Variants in CTNNA2 observed in about 807,000 individuals in gnomAD.
CTNNA2 encodes catenin alpha-2.
In CTNNA2, 42 loss-of-function variants were observed where a neutral mutation model predicts 101.0. That is an observed-to-expected ratio of 0.42 (90% CI 0.32 to 0.54). The LOEUF is 0.54. Among genes scored for constraint, CTNNA2 ranks in the 20% least tolerant of loss-of-function variants. The probability of loss-of-function intolerance (pLI) is 0.14; values close to 1 mark genes in which losing one functional copy is unlikely to be tolerated. For synonymous variants in CTNNA2, 450 were observed against 456.4 expected (o/e 0.99, Z 0.18); for missense variants, 871 against 1,223.1 (o/e 0.71, Z 4.29).
intron 3 of CTNNA2, among the ~76,000 whole-genome samples, chr2:79,832,576 A>G (rs1679007663): frequency 1.3e-5 from 2 of 152,164 alleles, no homozygotes; most frequent in Non-Finnish European, 2.9e-5. Flanking sequence ...CATTATCTTT[A>G]TATGGATAGT....
chr2:79,443,236 T>C (rs1384851201), intron 4 of CTNNA2, among the ~76,000 whole-genome samples: 1 of 152,138 alleles, frequency 6.6e-6, no homozygotes, highest in East Asian at 1.9e-4. Context: ...CTAAGGAACC[T>C]GTTGGTGCTA....
intron 9 of CTNNA2, among the ~76,000 whole-genome samples, chr2:80,530,410 A>G (rs1187141607): frequency 1.3e-5 from 2 of 152,230 alleles, no homozygotes. Flanking sequence ...TTGTGAGAGC[A>G]CTGGTTATCA....
chr2:79,644,027 C>T lies in CTNNA2; in HGVS notation c.-5-7525C>T, dbSNP rs145090015. 5.6e-3 allele frequency among the ~76,000 whole-genome samples: 852 copies of T among 152,004 alleles called. 5 individuals carry two copies. The highest frequency in any genetic ancestry group is 7.0e-3 in the Non-Finnish European group (478 of 67,948). On this transcript the variant is annotated intron_variant, in intron 1 of 18. Transcript: ENST00000402739. The stretch of plus-strand genomic sequence containing the variant: ...TTCCACCGATAGCCAGGAGAAAGAT[C>T]TGATTTTTGTTTTGTTTTGTTTTGT...
chr2:79,541,427 CATATAT>C (rs9284785), intron 1 of CTNNA2, among the ~76,000 whole-genome samples: 8,684 of 142,574 alleles, frequency 0.061, 322 homozygotes, highest in Middle Eastern at 0.17. Context: ...CGCACACACA[CATATAT>C]ATATATATAT....
intron 17 of CTNNA2, chr2:80,616,373 C>T (rs1484826347): frequency 1.3e-5 from 2 of 151,680 alleles, no homozygotes; most frequent in African/African-American, 4.8e-5. Context: ...AGATATTTCT[C>T]TTCAATTATA....
intron 7 of CTNNA2, among the ~76,000 whole-genome samples, chr2:79,925,089 T>G (rs184414431): frequency 2.9e-4 from 44 of 152,176 alleles, no homozygotes; most frequent in African/African-American, 1.1e-3. Context: ...ATTTTATAAT[T>G]TTAAGTATCT....
intron 1 of CTNNA2, among the ~76,000 whole-genome samples, chr2:79,526,826 A>T (rs759658482): frequency 3.3e-5 from 5 of 152,156 alleles, no homozygotes; most frequent in Non-Finnish European, 7.4e-5. Context: ...TACAAAAATT[A>T]ATGATAGACT....
At chr2:80,641,392 T>A (rs1338262952) in intron 18 of CTNNA2, among the ~76,000 whole-genome samples, 4 of 152,150 alleles carry the variant, frequency 2.6e-5, no homozygotes, top group Non-Finnish European at 5.9e-5. Flanking sequence ...AAAAAAGACA[T>A]ACAATGTGAA....
rs1291213989 is a variant in CTNNA2 at position 80,302,512 on chromosome 2, G to C, written c.1057-90699G>C. 1 of 1,613,112 alleles carries C rather than the reference G, an allele frequency of 6.2e-7. No homozygotes were observed. The highest frequency in any genetic ancestry group is 1.3e-5 in the African/African-American group (1 of 75,072). ...CCAGGACCACGATGAGGAAGGAGAA[G>C]ATGAGGGCCATGGTGCCCGTGACCA... On this transcript the variant is annotated intron_variant, in intron 7 of 18. Coordinates refer to ENST00000402739, the MANE Select transcript of CTNNA2 (RefSeq NM_001282597.3). The surrounding 1 kb of genome is among the most constrained non-coding windows in gnomAD (Gnocchi z 6.4).
intron 7 of CTNNA2, among the ~76,000 whole-genome samples, chr2:80,339,673 A>G (rs1395235155): frequency 1.3e-5 from 2 of 152,194 alleles, no homozygotes; most frequent in African/African-American, 2.4e-5. Context: ...TGGAGACTCA[A>G]AAGAAGAGTA....
chr2:80,028,757 G>T (rs142508829), intron 7 of CTNNA2, among the ~76,000 whole-genome samples: 7 of 152,320 alleles, frequency 4.6e-5, no homozygotes, highest in African/African-American at 1.7e-4. Context: ...TTAGAGAGAG[G>T]TGTGAAGAGC....
Position 80,286,313 on chromosome 2 carries a change from G to T in CTNNA2, c.1057-106898G>T, listed in dbSNP as rs554608626. Among the ~76,000 whole-genome samples the T allele has an allele frequency of 6.6e-5, 10 of 152,108 alleles. No homozygotes were observed. In the South Asian group the frequency reaches 2.1e-3, roughly 32 times the overall value. ...TTTCTTCTTTTCCCCCCGCCCCACC[G>T]TGAGATGATATTCTCCTCAGAGGGC... is the stretch of plus-strand genomic sequence containing the variant. On this transcript the variant is annotated intron_variant, in intron 7 of 18. Coordinates refer to ENST00000402739, the MANE Select transcript of CTNNA2 (RefSeq NM_001282597.3).
In CTNNA2 at chr2:79,502,986, G is replaced by T. The variant is rs575144525; in HGVS notation, c.-134-2068G>T. ...ACAATATAGACCTTCTCTTACCAAA[G>T]CGATTTGACTACCATCCTTGCTGTG... On this transcript the variant is annotated intron_variant, in intron 4 of 21. Coordinates refer to the CTNNA2 transcript ENST00000466387. Among the ~76,000 whole-genome samples, 82 of 152,268 alleles carry T rather than the reference G, an allele frequency of 5.4e-4. 1 individual carries two copies. The highest frequency in any genetic ancestry group is 4.7e-3 in the Admixed American group (72 of 15,280).
chr2:79,308,062 G>GAGAT, intron 2 of CTNNA2, among the ~76,000 whole-genome samples: 1 of 151,896 alleles, frequency 6.6e-6, no homozygotes, highest in East Asian at 1.9e-4. Context: ...TATTTATTTC[G>GAGAT]AGATTGAGTT....
chr2:79,857,173 C>T (rs1455541750), intron 3 of CTNNA2, among the ~76,000 whole-genome samples: 2 of 152,178 alleles, frequency 1.3e-5, no homozygotes, highest in Non-Finnish European at 2.9e-5. Flanking sequence ...CCTTTGTTTT[C>T]CTGGTGAACA....
At chr2:79,487,251 G>A (rs7569668) in intron 4 of CTNNA2, among the ~76,000 whole-genome samples, 109,007 of 139,466 alleles carry the variant, frequency 0.78, 39,506 homozygotes, top group African/African-American at 0.85. Context: ...TATTCTATAC[G>A]TTGCAAAAAA....
Position 79,915,608 on chromosome 2 carries a change from C to T in CTNNA2, c.1056+5811C>T, listed in dbSNP as rs185479067. On this transcript the variant is annotated intron_variant, in intron 7 of 18. Transcript: ENST00000402739. ...CAGAGTTCTGATTTTAGACCCAAAGCGTGACTAGGAACAAAATGAGAACGA... is the reference window on the plus strand; with the variant it reads ...CAGAGTTCTGATTTTAGACCCAAAGTGTGACTAGGAACAAAATGAGAACGA... Among the ~76,000 whole-genome samples, 306 of 152,232 alleles carry T rather than the reference C, an allele frequency of 2.0e-3. 1 individual carries two copies. The highest frequency in any genetic ancestry group is 2.8e-3 in the Admixed American group (43 of 15,298).
intron 7 of CTNNA2, among the ~76,000 whole-genome samples, chr2:80,000,235 G>C (rs959690487): frequency 3.3e-5 from 5 of 152,128 alleles, no homozygotes; most frequent in African/African-American, 1.2e-4. Context: ...GATGATTTCT[G>C]TGCTATCATA....
intron 9 of CTNNA2, among the ~76,000 whole-genome samples, chr2:80,454,243 G>A (rs907277144): frequency 2.0e-5 from 3 of 152,268 alleles, no homozygotes; most frequent in Non-Finnish European, 4.4e-5. Flanking sequence ...GAAAAGGAGG[G>A]GCTGAGAGGA....
Sources: gnomAD v4.1 joint callset for allele counts (sites outside exome capture counted in the v4.1 genomes callset) on GRCh38, gnomAD v4.1.1 for gene constraint, Gnocchi (gnomAD v3.1) non-coding constraint, MANE v1.5 for transcripts, NCBI Gene and HGNC (gene_info 2026-07-23, HGNC 2026-07-21) for gene names.